Variants in TCERG1L observed in about 807,000 individuals in gnomAD.
TCERG1L encodes transcription elongation regulator 1-like protein.
In TCERG1L, 37 loss-of-function variants were observed where a neutral mutation model predicts 56.3. The ratio of observed to expected loss-of-function variants is 0.66; its 90% CI spans 0.51 to 0.87. The LOEUF is 0.87. TCERG1L is among the 40% of genes least tolerant of loss of function. TCERG1L has a pLI of 0.00. For missense variants in TCERG1L, 799 were observed against 774.2 expected (o/e 1.03, Z -0.38); for synonymous variants, 324 against 326.3 (o/e 0.99, Z 0.08).
chr10:131,164,126 T>TAAAAAAAA (rs11327805), intron 5 of TCERG1L: 6 of 93,264 alleles, frequency 6.4e-5, no homozygotes, highest in African/African-American at 1.3e-4. Context: ...GACTCTGTCT[T>TAAAAAAAA]AAAAAAAAAA....
intron 4 of TCERG1L, among the ~76,000 whole-genome samples, chr10:131,213,511 A>T (rs1381349130): frequency 6.6e-6 from 1 of 152,218 alleles, no homozygotes; most frequent in South Asian, 2.1e-4. Flanking sequence ...AAGACACCCC[A>T]CAGCCTCCGT....
At chr10:131,129,135 G>A (rs1174391204) in intron 8 of TCERG1L, among the ~76,000 whole-genome samples, 1 of 152,118 alleles carries the variant, frequency 6.6e-6, no homozygotes, top group Non-Finnish European at 1.5e-5. Flanking sequence ...GGTTAAAAGA[G>A]GCTTAGGAGA....
At chr10:131,305,730 T>C (rs1846812660) in intron 3 of TCERG1L, among the ~76,000 whole-genome samples, 1 of 152,088 alleles carries the variant, frequency 6.6e-6, no homozygotes, top group African/African-American at 2.4e-5. Flanking sequence ...GAGCTCTGTT[T>C]CTGCTTCTAT....
intron 4 of TCERG1L, among the ~76,000 whole-genome samples, chr10:131,183,712 A>T (rs1010202551): frequency 3.9e-5 from 6 of 152,160 alleles, no homozygotes; most frequent in African/African-American, 1.4e-4. Flanking sequence ...ATCTGAGCTC[A>T]GGGCCCAGGC....
chr10:131,260,305 C>T lies in TCERG1L; in HGVS notation c.810G>A (p.Leu270=), dbSNP rs1846222214. 24 of 1,442,742 alleles carry T rather than the reference C, an allele frequency of 1.7e-5. No individual in the cohort carries two copies. Among genetic ancestry groups the T allele is most frequent in the Non-Finnish European group, 2.1e-5 (23 of 1,098,750 alleles). 89.4% of individuals were successfully genotyped at this position (1,442,742 alleles called of 1,614,324 possible). Residue 270 remains leucine (L), a synonymous_variant, in exon 4 of 12, where the codon CTG becomes CTA. Coordinates refer to ENST00000368642, the MANE Select transcript of TCERG1L (RefSeq NM_174937.4). This position sits in a 1 kb window ranked among gnomAD's most constrained non-coding sequence, Gnocchi z 5.8. ...GGGGTATTTTGATGGGTGCCAAGGT[C>T]AGGAAGTGGCGCGGCTGCACGCTGG... ...SPSSVQPRHF[L]TLAPIKIPLR... is the part of the protein sequence containing the mutation.
intron 8 of TCERG1L, among the ~76,000 whole-genome samples, chr10:131,121,697 C>T (rs977318971): frequency 6.6e-6 from 1 of 152,234 alleles, no homozygotes; most frequent in East Asian, 1.9e-4. Context: ...GGCGTGGGCA[C>T]AGAGACAGAG....
intron 9 of TCERG1L, among the ~76,000 whole-genome samples, chr10:131,105,360 A>G (rs1373842061): frequency 6.6e-6 from 1 of 152,220 alleles, no homozygotes; most frequent in African/African-American, 2.4e-5. Flanking sequence ...GGACATCGCC[A>G]TACACAGCCC....
intron 11 of TCERG1L, chr10:131,095,445 G>A (rs1589772977): frequency 6.6e-6 from 1 of 152,238 alleles, no homozygotes; most frequent in Non-Finnish European, 1.5e-5. Flanking sequence ...GGCTGCAGGA[G>A]GCTACACAGC....
At chr10:131,241,837 A>C (rs2133521803) in intron 4 of TCERG1L, among the ~76,000 whole-genome samples, 1 of 152,226 alleles carries the variant, frequency 6.6e-6, no homozygotes, top group South Asian at 2.1e-4. Context: ...AGATGTCATT[A>C]GAAAATCACT....
intron 5 of TCERG1L, among the ~76,000 whole-genome samples, chr10:131,166,138 G>A (rs74321146): frequency 0.013 from 2,007 of 152,288 alleles, 41 homozygotes; most frequent in African/African-American, 0.046. Context: ...GAGGAGAGAC[G>A]GAAGCAAAAC....
rs775503378 is a variant in TCERG1L, at chr10:131,104,299, C to T, written c.1451G>A (p.Arg484His). ...KELHKIVFDP[R>H]YLLLNSEERK... ...TTCCTCAGAGTTGAGCAGGAGATAGCGTGGGTCAAACACGATTTTGTGTAA... is the reference window on the plus strand; with the variant it reads ...TTCCTCAGAGTTGAGCAGGAGATAGTGTGGGTCAAACACGATTTTGTGTAA... Residue 484 changes from arginine to histidine, a missense_variant, in exon 10 of 12, where the codon CGC becomes CAC. Transcript: ENST00000368642. 7 of 1,551,008 alleles carry T rather than the reference C, an allele frequency of 4.5e-6. No homozygotes were observed. The highest frequency in any genetic ancestry group is 1.2e-5 in the South Asian group (1 of 84,008).
At chr10:131,171,782 G>T (rs1199154687) in intron 4 of TCERG1L, among the ~76,000 whole-genome samples, 2 of 152,170 alleles carry the variant, frequency 1.3e-5, no homozygotes, top group African/African-American at 4.8e-5. Flanking sequence ...TGTTGGCCAG[G>T]CTGGTGTCGA....
intron 8 of TCERG1L, among the ~76,000 whole-genome samples, chr10:131,123,552 G>A (rs1211392802): frequency 6.6e-6 from 1 of 152,164 alleles, no homozygotes; most frequent in Non-Finnish European, 1.5e-5. Context: ...GGTCTGCGAG[G>A]ATGCAGATCC....
intron 4 of TCERG1L, among the ~76,000 whole-genome samples, chr10:131,168,779 C>T (rs1846059815): frequency 6.6e-6 from 1 of 152,202 alleles, no homozygotes; most frequent in Non-Finnish European, 1.5e-5. Flanking sequence ...CGCCGGCCTC[C>T]TCCGTCATTG....
At chr10:131,135,866 G>A (rs918347693) in intron 7 of TCERG1L, among the ~76,000 whole-genome samples, 5 of 152,242 alleles carry the variant, frequency 3.3e-5, no homozygotes, top group South Asian at 2.1e-4. Flanking sequence ...AGTGCAGAGC[G>A]GGGGATGAGC....
Position 131,274,395 on chromosome 10 carries a change from T to C in TCERG1L, c.671-13951A>G, listed in dbSNP as rs538959192. On this transcript the variant is annotated intron_variant, in intron 3 of 11. Coordinates refer to ENST00000368642, the MANE Select transcript of TCERG1L (RefSeq NM_174937.4). ...AGTTTTGCTCAGCATCCTATGGCCA[T>C]GAAAACTGAGATCAGCCGACGTATG... is the stretch of plus-strand genomic sequence containing the variant. 3.3e-5 allele frequency among the ~76,000 whole-genome samples: 5 copies of C among 152,284 alleles called. No individual in the cohort carries two copies. In the East Asian group the frequency reaches 9.7e-4, roughly 29 times the overall value.
At chr10:131,100,011 G>A (rs1271709964) in intron 10 of TCERG1L, among the ~76,000 whole-genome samples, 1 of 152,074 alleles carries the variant, frequency 6.6e-6, no homozygotes, top group Non-Finnish European at 1.5e-5. Flanking sequence ...CTATAGGTGT[G>A]TGCCGCCACG....
chr10:131,278,915 C>T (rs545129134), intron 3 of TCERG1L, among the ~76,000 whole-genome samples: 1 of 152,304 alleles, frequency 6.6e-6, no homozygotes, highest in East Asian at 1.9e-4. Flanking sequence ...CACAATCCTC[C>T]TGCATGGCCT....
intron 4 of TCERG1L, among the ~76,000 whole-genome samples, chr10:131,251,526 C>T (rs774542710): frequency 2.0e-4 from 31 of 152,138 alleles, no homozygotes; most frequent in Admixed American, 3.9e-4. Context: ...TTCCTCTTTA[C>T]ACCTCAGCTT....
Sources: allele counts gnomAD v4.1 joint callset (sites outside exome capture counted in the v4.1 genomes callset), GRCh38; gene constraint gnomAD v4.1.1; non-coding constraint Gnocchi (gnomAD v3.1); transcripts MANE v1.5; gene names NCBI Gene and HGNC (gene_info 2026-07-23, HGNC 2026-07-21).